RBFOX1: variants seen among roughly 807,000 people sequenced by gnomAD.
RBFOX1 encodes the protein RNA binding fox-1 homolog 1.
RBFOX1 carries 8 observed loss-of-function variants against 57.7 expected under a neutral mutation model. The observed-to-expected ratio is 0.14, with a 90% CI of 0.08 to 0.25. The LOEUF (loss-of-function observed/expected upper bound fraction) is 0.25, where lower values mean the gene tolerates loss of function less well. Among genes scored for constraint, RBFOX1 ranks in the 10% least tolerant of loss-of-function variants. The probability of loss-of-function intolerance (pLI) is 1.00; values close to 1 mark genes in which losing one functional copy is unlikely to be tolerated. For synonymous variants in RBFOX1, 326 were observed against 222.4 expected, an observed-to-expected ratio of 1.47 and a Z score of -4.15; for missense variants, 611 against 548.5, an observed-to-expected ratio of 1.11 and a Z score of -1.14.
chr16:5,957,987 C>T (rs762919118), intron 4 of RBFOX1, among the ~76,000 whole-genome samples: 8 of 152,238 alleles, frequency 5.3e-5, no homozygotes, highest in East Asian at 1.9e-4. Flanking sequence ...TCCCAGCCTC[C>T]GGTAATTATC....
intron 4 of RBFOX1, among the ~76,000 whole-genome samples, chr16:7,314,358 C>T (rs2096390220): frequency 6.6e-6 from 1 of 152,178 alleles, no homozygotes; most frequent in African/African-American, 2.4e-5. Flanking sequence ...GGGGTCCTGC[C>T]TTGCCATGCT....
intron 1 of RBFOX1, among the ~76,000 whole-genome samples, chr16:6,220,838 A>G (rs974972269): frequency 6.6e-6 from 1 of 152,048 alleles, no homozygotes; most frequent in Non-Finnish European, 1.5e-5. Context: ...TTATGTGCCT[A>G]TGATCATAAT....
rs144727367 is a variant in RBFOX1 at position 5,796,744 on chromosome 16, T to A, written c.319-70559T>A. ...AGTAATTTGCCTGTGGTCATCCAGCTAGAAGGAGACAATGCTAAGATTCAA... is the reference window on the plus strand; with the variant it reads ...AGTAATTTGCCTGTGGTCATCCAGCAAGAAGGAGACAATGCTAAGATTCAA... On this transcript the variant is annotated intron_variant, in intron 3 of 19. Transcript: ENST00000641259. 2.8e-3 allele frequency among the ~76,000 whole-genome samples: 419 copies of A among 152,322 alleles called. 2 individuals carry two copies. The highest frequency in any genetic ancestry group is 4.6e-3 in the Non-Finnish European group (310 of 68,016).
intron 3 of RBFOX1, among the ~76,000 whole-genome samples, chr16:7,002,325 T>G (rs1366665802): frequency 6.6e-6 from 1 of 152,246 alleles, no homozygotes; most frequent in Non-Finnish European, 1.5e-5. Context: ...CTAAAGCTAT[T>G]TTGTGTTTGT....
intron 3 of RBFOX1, among the ~76,000 whole-genome samples, chr16:5,615,836 C>T (rs1473593186): frequency 1.3e-5 from 2 of 152,194 alleles, no homozygotes; most frequent in Non-Finnish European, 2.9e-5. Flanking sequence ...ATGGGGTCTT[C>T]AATGCTTTTT....
At chr16:5,358,202 A>G (rs1919048) in intron 1 of RBFOX1, among the ~76,000 whole-genome samples, 146,435 of 151,950 alleles carry the variant, frequency 0.96, 70,771 homozygotes, top group East Asian at 1. Context: ...CCTGACCTCT[A>G]CCTTCACATT....
At chr16:6,902,708 C>G (rs1158458942) in intron 3 of RBFOX1, among the ~76,000 whole-genome samples, 2 of 152,156 alleles carry the variant, frequency 1.3e-5, no homozygotes, top group Non-Finnish European at 2.9e-5. Flanking sequence ...GGTGACAAGT[C>G]AAGACTCCAT....
chr16:6,766,959 C>T (rs186034501), intron 3 of RBFOX1, among the ~76,000 whole-genome samples: 44 of 152,114 alleles, frequency 2.9e-4, no homozygotes, highest in Admixed American at 2.0e-3. Flanking sequence ...CTTGGTAAGT[C>T]GGGGGAGGCT....
At chr16:7,079,443 G>GT (rs2058819768) in intron 4 of RBFOX1, among the ~76,000 whole-genome samples, 2 of 152,340 alleles carry the variant, frequency 1.3e-5, no homozygotes, top group South Asian at 2.1e-4. Context: ...TTTACACTGT[G>GT]TACCTGCATT....
At chr16:5,799,183 C>T (rs1250571098) in intron 3 of RBFOX1, among the ~76,000 whole-genome samples, 1 of 151,940 alleles carries the variant, frequency 6.6e-6, no homozygotes, top group Non-Finnish European at 1.5e-5. Context: ...GAAAGGGAAA[C>T]CCCTTATAAA....
At chr16:6,346,845 C>T (rs959021313) in intron 2 of RBFOX1, among the ~76,000 whole-genome samples, 2 of 152,048 alleles carry the variant, frequency 1.3e-5, no homozygotes, top group African/African-American at 4.8e-5. Flanking sequence ...AGAATAACCT[C>T]TTGACAAGAC....
chr16:6,176,194 G>A (rs2097006125), intron 1 of RBFOX1, among the ~76,000 whole-genome samples: 1 of 151,950 alleles, frequency 6.6e-6, no homozygotes, highest in Non-Finnish European at 1.5e-5. Context: ...ACCCACGTTG[G>A]AGTGCAGTGG....
chr16:5,521,685 G>C (rs1275469627), intron 2 of RBFOX1, among the ~76,000 whole-genome samples: 1 of 152,168 alleles, frequency 6.6e-6, no homozygotes, highest in East Asian at 1.9e-4. Context: ...GTCTGCTGCA[G>C]ATCTCCCTGG....
intron 1 of RBFOX1, among the ~76,000 whole-genome samples, chr16:6,268,900 A>G (rs994517713): frequency 1.3e-5 from 2 of 152,222 alleles, no homozygotes; most frequent in Admixed American, 6.5e-5. Context: ...GTTCCAGGAC[A>G]GTCCAAAATC....
intron 4 of RBFOX1, among the ~76,000 whole-genome samples, chr16:6,005,214 A>G (rs955651148): frequency 4.6e-5 from 7 of 152,208 alleles, no homozygotes; most frequent in Non-Finnish European, 7.3e-5. Context: ...TATTCGTGGA[A>G]AGAGGGGAAA....
intron 2 of RBFOX1, among the ~76,000 whole-genome samples, chr16:6,577,820 G>GA (rs1284339617): frequency 6.6e-6 from 1 of 151,922 alleles, no homozygotes; most frequent in Non-Finnish European, 1.5e-5. Flanking sequence ...ATGTGCTCAG[G>GA]AAAAAAATAA....
chr16:7,427,703 G>A (rs2098635244), intron 4 of RBFOX1, among the ~76,000 whole-genome samples: 1 of 150,936 alleles, frequency 6.6e-6, no homozygotes, highest in Non-Finnish European at 1.5e-5. Context: ...AGAGTGCATG[G>A]AGTGCAATGG....
At chr16:5,738,635 GAAAAAAAA>G (rs61011633) in intron 3 of RBFOX1, among the ~76,000 whole-genome samples, 1 of 61,192 alleles carries the variant, frequency 1.6e-5, no homozygotes, top group East Asian at 4.7e-4. Flanking sequence ...CTCTGTCTCA[GAAAAAAAA>G]AAAAAAAAAA....
At chr16:5,384,976 T>C (rs2066220951) in intron 1 of RBFOX1, among the ~76,000 whole-genome samples, 1 of 152,190 alleles carries the variant, frequency 6.6e-6, no homozygotes. Context: ...ACAAAATCGC[T>C]TACTGCAATC....
Sources: allele counts gnomAD v4.1 joint callset (sites outside exome capture counted in the v4.1 genomes callset), GRCh38; gene constraint gnomAD v4.1.1; transcripts MANE v1.5; gene names NCBI Gene and HGNC (gene_info 2026-07-23, HGNC 2026-07-21).